The following CARMIL1 variants were observed in gnomAD, a reference collection of about 807,000 sequenced individuals.
The protein encoded by CARMIL1 is F-actin-uncapping protein LRRC16A.
In CARMIL1, 90 loss-of-function variants were observed where a neutral mutation model predicts 177.1. That is an observed-to-expected ratio of 0.51 (90% CI 0.43 to 0.61). CARMIL1 has a LOEUF of 0.61. Ranked by LOEUF, CARMIL1 falls within the 20% of genes least tolerant of loss-of-function variation. The pLI is 0.00. For synonymous variants in CARMIL1, 577 were observed against 606.2 expected (o/e 0.95, Z 0.71); for missense variants, 1,380 against 1,667.0 (o/e 0.83, Z 3.00).
At chr6:25,417,233 C>A (rs980418924) in intron 2 of CARMIL1, among the ~76,000 whole-genome samples, 3 of 152,094 alleles carry the variant, frequency 2.0e-5, no homozygotes, top group Admixed American at 6.6e-5. Flanking sequence ...CTCCCCAGAC[C>A]TAGGCAAATG....
At chr6:25,371,882 A>G (rs1258020946) in intron 2 of CARMIL1, among the ~76,000 whole-genome samples, 1 of 152,070 alleles carries the variant, frequency 6.6e-6, no homozygotes, top group Non-Finnish European at 1.5e-5. Context: ...AATTGGTTTC[A>G]GCTCTTAGAT....
chr6:25,532,820 C>T (rs1807901886), intron 24 of CARMIL1, among the ~76,000 whole-genome samples: 1 of 152,178 alleles, frequency 6.6e-6, no homozygotes, highest in Non-Finnish European at 1.5e-5. Flanking sequence ...CTGTAAAAAG[C>T]CGTATAGTAA....
In CARMIL1 at chr6:25,294,358, G is replaced by C. The variant is rs571300033; in HGVS notation, c.138+9449G>C. ...CAGATTGACTCAAACAGACTCTGGG[G>C]AAATTTATTGAGACCTTGCCCTCAT... On this transcript the variant is annotated intron_variant, in intron 2 of 36. Coordinates refer to ENST00000329474, the MANE Select transcript of CARMIL1 (RefSeq NM_017640.6). 3.9e-5 allele frequency among the ~76,000 whole-genome samples: 6 copies of C among 152,280 alleles called. No homozygotes were observed. The South Asian group carries it at 1.0e-3, about 26-fold the overall frequency.
intron 9 of CARMIL1, among the ~76,000 whole-genome samples, chr6:25,467,305 C>T (rs1800691603): frequency 6.6e-6 from 1 of 152,078 alleles, no homozygotes. Context: ...GGACCATTTC[C>T]AGGACTGAGC....
intron 2 of CARMIL1, among the ~76,000 whole-genome samples, chr6:25,360,071 C>A (rs1789028333): frequency 6.6e-6 from 1 of 152,150 alleles, no homozygotes; most frequent in Non-Finnish European, 1.5e-5. Context: ...CCAGATAAGA[C>A]ATCATTCAGC....
intron 5 of CARMIL1, among the ~76,000 whole-genome samples, chr6:25,441,475 T>G (rs1797784935): frequency 6.6e-6 from 1 of 151,702 alleles, no homozygotes; most frequent in South Asian, 2.1e-4. Context: ...TTACATGTCA[T>G]ATTTTCTTCC....
Position 25,558,243 on chromosome 6 carries a change from C to T in CARMIL1, c.2742+1393C>T, listed in dbSNP as rs1029205832. 2.6e-4 allele frequency among the ~76,000 whole-genome samples: 39 copies of T among 152,128 alleles called. No homozygotes were observed. Among genetic ancestry groups the T allele is most frequent in the Non-Finnish European group, 1.0e-4 (7 of 68,040 alleles). On this transcript the variant is annotated intron_variant, in intron 29 of 36. Transcript: ENST00000329474. This position sits in a 1 kb window ranked among gnomAD's most constrained non-coding sequence, Gnocchi z 4.1. ...AATTTGAAATCAACTCCACATACCACGTTTCCTACCAGATTTATTTGGTCA... is the reference window on the plus strand; with the variant it reads ...AATTTGAAATCAACTCCACATACCATGTTTCCTACCAGATTTATTTGGTCA...
chr6:25,476,117 G>GT (rs1195240657), intron 11 of CARMIL1, among the ~76,000 whole-genome samples: 3 of 152,242 alleles, frequency 2.0e-5, no homozygotes, highest in African/African-American at 7.2e-5. Context: ...CTCTTGTATA[G>GT]TTTTTTTATT....
In CARMIL1 at chr6:25,551,138, C is replaced by T. The variant is rs370665146; in HGVS notation, c.2504+53C>T. On this transcript the variant is annotated intron_variant, in intron 27 of 36. Transcript: ENST00000329474. ...GAGCTGCAGTTTCTGTAAATGCAGT[C>T]GAGGCAGCTGTAAAGAGGGTTATTG... 72 of 1,435,498 alleles carry T rather than the reference C, an allele frequency of 5.0e-5. 2 individuals carry two copies. Among genetic ancestry groups the T allele is most frequent in the East Asian group, 2.7e-4 (12 of 43,954 alleles). The allele number at this position is 1,435,498 out of a possible 1,614,324, so 88.9% of individuals were successfully genotyped here.
At chr6:25,452,225 A>ATT (rs747471059) in intron 8 of CARMIL1, 12 of 610,262 alleles carry the variant, frequency 2.0e-5, no homozygotes, top group African/African-American at 5.6e-5. Flanking sequence ...TTCTCAGGCA[A>ATT]TTTTTTTTTT....
At chr6:25,438,085 G>C (rs7449710) in intron 5 of CARMIL1, among the ~76,000 whole-genome samples, 16,513 of 152,102 alleles carry the variant, frequency 0.11, 944 homozygotes, top group Middle Eastern at 0.15. Flanking sequence ...ACACAATCAG[G>C]CTCTCTCATA....
chr6:25,549,906 G>A (rs1383017402), intron 26 of CARMIL1, among the ~76,000 whole-genome samples: 1 of 152,164 alleles, frequency 6.6e-6, no homozygotes, highest in African/African-American at 2.4e-5. Flanking sequence ...CTCTTACTGT[G>A]TGCTAGACAC....
intron 2 of CARMIL1, among the ~76,000 whole-genome samples, chr6:25,364,622 G>T (rs1343974009): frequency 6.6e-6 from 1 of 151,284 alleles, no homozygotes; most frequent in Admixed American, 6.6e-5. Flanking sequence ...GGAGTGCAGT[G>T]GCGCGATCTT....
At chr6:25,462,858 C>T (rs900070843) in intron 8 of CARMIL1, among the ~76,000 whole-genome samples, 3 of 152,200 alleles carry the variant, frequency 2.0e-5, no homozygotes, top group African/African-American at 7.2e-5. Flanking sequence ...ATAAGAGCTA[C>T]ACTTCTTTTT....
At chr6:25,480,969 C>T (rs1207370798) in intron 11 of CARMIL1, among the ~76,000 whole-genome samples, 1 of 151,988 alleles carries the variant, frequency 6.6e-6, no homozygotes, top group African/African-American at 2.4e-5. Flanking sequence ...ATCCGCCCTC[C>T]TCGGCCTCCC....
At chr6:25,356,548 A>G (rs1303331736) in intron 2 of CARMIL1, among the ~76,000 whole-genome samples, 4 of 152,250 alleles carry the variant, frequency 2.6e-5, no homozygotes, top group Non-Finnish European at 5.9e-5. Flanking sequence ...CAAGTAACTC[A>G]GCTGAAAATA....
Position 25,577,184 on chromosome 6 carries a change from C to G in CARMIL1, c.2743-3740C>G. ...TTGCAAGATGGTTCAGCTAGCAAAACAGGCGATGAATTTAAAATATCTCCA... is the reference window on the plus strand; with the variant it reads ...TTGCAAGATGGTTCAGCTAGCAAAAGAGGCGATGAATTTAAAATATCTCCA... On this transcript the variant is annotated intron_variant, in intron 29 of 36. Coordinates refer to ENST00000329474, the MANE Select transcript of CARMIL1 (RefSeq NM_017640.6). The surrounding 1 kb of genome is among the most constrained non-coding windows in gnomAD (Gnocchi z 4.5). 2 of 917,694 alleles carry G rather than the reference C, an allele frequency of 2.2e-6. No homozygotes were observed. Among genetic ancestry groups the G allele is most frequent in the Non-Finnish European group, 2.6e-6 (2 of 768,404 alleles). 56.8% of individuals were successfully genotyped at this position (917,694 alleles called of 1,614,324 possible). A position where few individuals can be genotyped will look rare whatever the true frequency, so the allele number is the denominator to read the frequency against.
intron 29 of CARMIL1, among the ~76,000 whole-genome samples, chr6:25,579,105 AT>A (rs1157245159): frequency 6.7e-6 from 1 of 149,320 alleles, no homozygotes; most frequent in Non-Finnish European, 1.5e-5. Context: ...TATAGTACAT[AT>A]TTTTATATGT....
chr6:25,513,964 A>C (rs1304397500), intron 20 of CARMIL1, among the ~76,000 whole-genome samples: 1 of 152,186 alleles, frequency 6.6e-6, no homozygotes. Context: ...ACATTGGTTC[A>C]ACCTGGTTAA....
Sources: allele counts gnomAD v4.1 joint callset (sites outside exome capture counted in the v4.1 genomes callset), GRCh38; gene constraint gnomAD v4.1.1; non-coding constraint Gnocchi (gnomAD v3.1); transcripts MANE v1.5; gene names NCBI Gene and HGNC (gene_info 2026-07-23, HGNC 2026-07-21).